The following FBXO34 variants were observed in gnomAD, a reference collection of about 807,000 sequenced individuals.
The protein encoded by FBXO34 is F-box only protein 34.
In FBXO34, 12 loss-of-function variants were observed where a neutral mutation model predicts 24.5. The ratio of observed to expected loss-of-function variants is 0.49; its 90% CI spans 0.31 to 0.79. FBXO34 has a LOEUF of 0.79. FBXO34 is among the 30% of genes least tolerant of loss of function. FBXO34 has a pLI of 0.04. For synonymous variants in FBXO34, 320 were observed against 311.9 expected (o/e 1.03, Z -0.27); for missense variants, 823 against 857.7 (o/e 0.96, Z 0.51).
At chr14:55,330,231 T>C (rs1037958653) in intron 1 of FBXO34, among the ~76,000 whole-genome samples, 1 of 152,198 alleles carries the variant, frequency 6.6e-6, no homozygotes, top group African/African-American at 2.4e-5. Context: ...TTTTAAGTTT[T>C]TTTTGTCTCC....
intron 1 of FBXO34, among the ~76,000 whole-genome samples, chr14:55,315,189 CT>C (rs1882885891): frequency 6.6e-6 from 1 of 152,172 alleles, no homozygotes; most frequent in Non-Finnish European, 1.5e-5. Context: ...ACTACTTTTA[CT>C]TTATTACTTT....
At chr14:55,429,028 T>C in the FBXO34 span, 2 of 1,588,370 alleles carry the variant, frequency 1.3e-6, no homozygotes, top group Non-Finnish European at 1.7e-6. Flanking sequence ...TCCTCTCAAC[T>C]ACTGGTGTTG....
the FBXO34 span, among the ~76,000 whole-genome samples, chr14:55,417,218 G>T: frequency 1.2e-4 from 18 of 152,252 alleles, no homozygotes; most frequent in African/African-American, 4.3e-4. Context: ...AGAAGAGTGC[G>T]TGTAACCGGT....
chr14:55,365,140 G>T (rs1884651690), downstream of FBXO34, among the ~76,000 whole-genome samples: 1 of 149,938 alleles, frequency 6.7e-6, no homozygotes, highest in Non-Finnish European at 1.5e-5. Flanking sequence ...GAACCTGGGA[G>T]GCAGAGCTTG....
the FBXO34 span, chr14:55,440,612 A>G: frequency 1.3e-6 from 2 of 1,483,532 alleles, no homozygotes; most frequent in Non-Finnish European, 1.8e-6. Flanking sequence ...GCGCGAGAGA[A>G]GCGTTGGGCG....
In FBXO34 at chr14:55,350,457, CAGAG is replaced by C; in HGVS notation, c.69_72del (p.Arg24LeufsTer3). On this transcript the variant is annotated frameshift_variant, in exon 2 of 2. Coordinates refer to ENST00000313833, the MANE Select transcript of FBXO34 (RefSeq NM_017943.4). LOFTEE classifies it low-confidence loss of function (END_TRUNC). Reference sequence around the variant, plus strand: ...CCCCCCGGAAGTCAGCAGGGAAACGCAGAGAACTCCTATGAACCACCAAAAGGCT... The same window carrying C: ...CCCCCCGGAAGTCAGCAGGGAAACGCAACTCCTATGAACCACCAAAAGGCT... 6.2e-7 allele frequency: 1 copy of C among 1,611,652 alleles called. No homozygotes were observed. The highest frequency in any genetic ancestry group is 8.5e-7 in the Non-Finnish European group (1 of 1,179,254).
chr14:55,295,745 T>TA (rs1161611651), intron 1 of FBXO34, among the ~76,000 whole-genome samples: 1 of 152,218 alleles, frequency 6.6e-6, no homozygotes, highest in Non-Finnish European at 1.5e-5. Flanking sequence ...GATTATTCAT[T>TA]AAACACCTTG....
the FBXO34 span, chr14:55,433,604 AG>A: frequency 3.1e-6 from 5 of 1,587,784 alleles, no homozygotes; most frequent in Admixed American, 8.4e-5. Flanking sequence ...TTTCTCTGGT[AG>A]GGGTGGAGGG....
the FBXO34 span, among the ~76,000 whole-genome samples, chr14:55,397,927 T>C: frequency 1.2e-4 from 18 of 150,930 alleles, no homozygotes; most frequent in African/African-American, 4.1e-4. Context: ...AGAAGAGGTA[T>C]CACATTGCAG....
chr14:55,301,010 C>T (rs1000887438), intron 1 of FBXO34, among the ~76,000 whole-genome samples: 4 of 152,162 alleles, frequency 2.6e-5, no homozygotes, highest in African/African-American at 9.7e-5. Context: ...GTGGTGTTTT[C>T]TTTTTGGTAA....
At chr14:55,271,744 C>G (rs1347384856) in intron 1 of FBXO34, 1 of 151,642 alleles carries the variant, frequency 6.6e-6, no homozygotes, top group Non-Finnish European at 1.5e-5. Context: ...TCTTTCCGCG[C>G]GCACGGCCCG....
chr14:55,380,650 C>T, the FBXO34 span: 13 of 1,612,328 alleles, frequency 8.1e-6, no homozygotes, highest in East Asian at 1.6e-4. Context: ...CATAGCACAG[C>T]GCAGCACTGA....
the FBXO34 span, among the ~76,000 whole-genome samples, chr14:55,384,993 A>G: frequency 6.6e-6 from 1 of 152,324 alleles, no homozygotes; most frequent in South Asian, 2.1e-4. Context: ...TGTCTGTCCC[A>G]CCAGGGGTTA....
chr14:55,423,865 T>A, the FBXO34 span, among the ~76,000 whole-genome samples: 2 of 152,216 alleles, frequency 1.3e-5, no homozygotes, highest in Admixed American at 6.5e-5. Context: ...TTAAAAGCCT[T>A]TATGAAGAGT....
the FBXO34 span, among the ~76,000 whole-genome samples, chr14:55,431,693 G>C: frequency 6.6e-5 from 10 of 152,212 alleles, no homozygotes; most frequent in Non-Finnish European, 1.3e-4. Flanking sequence ...TGGGGGAAAT[G>C]TAGTAACAAT....
chr14:55,282,015 T>TTGTG (rs368902918), intron 1 of FBXO34, among the ~76,000 whole-genome samples: 48 of 97,038 alleles, frequency 4.9e-4, no homozygotes, highest in African/African-American at 1.7e-3. Context: ...TTTTTTTTTT[T>TTGTG]GATACAGAGT....
chr14:55,430,190 G>A, the FBXO34 span, among the ~76,000 whole-genome samples: 1 of 152,086 alleles, frequency 6.6e-6, no homozygotes, highest in African/African-American at 2.4e-5. Context: ...TGAATCAGGT[G>A]AATTCCACCC....
At chr14:55,440,861 A>AT in the FBXO34 span, among the ~76,000 whole-genome samples, 4 of 151,796 alleles carry the variant, frequency 2.6e-5, no homozygotes, top group Non-Finnish European at 4.4e-5. Flanking sequence ...AAAAAAAGGG[A>AT]TTTTTTGTTG....
In FBXO34 at chr14:55,344,748, T is replaced by C. The variant is rs141404531; in HGVS notation, c.-10-5633T>C. 5.6e-3 allele frequency among the ~76,000 whole-genome samples: 847 copies of C among 151,140 alleles called. 9 individuals are homozygous for C. The highest frequency in any genetic ancestry group is 0.019 in the African/African-American group (802 of 41,218). ...CCCCACCACCCACCAACATCCCCAG[T>C]GTGTGATGTTCCCCTCCCTGTATCC... On this transcript the variant is annotated intron_variant, in intron 1 of 1. Transcript: ENST00000313833.
Sources: allele counts gnomAD v4.1 joint callset (sites outside exome capture counted in the v4.1 genomes callset), GRCh38; gene constraint gnomAD v4.1.1; transcripts MANE v1.5; gene names NCBI Gene and HGNC (gene_info 2026-07-23, HGNC 2026-07-21).